The following MRS2 variants were observed in gnomAD, a reference collection of about 807,000 sequenced individuals.
MRS2 encodes magnesium transporter MRS2 homolog, mitochondrial.
Under a neutral mutation model 52.6 loss-of-function variants are expected in MRS2, and 40 were observed. The ratio of observed to expected loss-of-function variants is 0.76; its 90% confidence interval spans 0.59 to 0.99. The LOEUF is 0.99. Among genes scored for constraint, MRS2 ranks in the 50% least tolerant of loss-of-function variants. MRS2 has a pLI of 0.00. For synonymous variants in MRS2, 193 were observed against 195.9 expected, an observed-to-expected ratio of 0.98 and a Z score of 0.13; for missense variants, 472 against 532.7, an observed-to-expected ratio of 0.89 and a Z score of 1.12.
At chr6:24,407,391 G>A (rs543011837) in intron 2 of MRS2, among the ~76,000 whole-genome samples, 17 of 152,122 alleles carry the variant, frequency 1.1e-4, no homozygotes, top group African/African-American at 3.9e-4. Context: ...AGTTTTTATT[G>A]TGTGATTAAC....
chr6:24,421,478 A>C lies in MRS2; in HGVS notation c.1108-1459A>C, dbSNP rs1762038557. 3.3e-5 allele frequency among the ~76,000 whole-genome samples: 5 copies of C among 152,278 alleles called. No homozygotes were observed. In the South Asian group the frequency reaches 1.0e-3, roughly 32 times the overall value. On this transcript the variant is annotated intron_variant, in intron 9 of 10. Coordinates refer to ENST00000378386, the MANE Select transcript of MRS2 (RefSeq NM_020662.4). ...GATATAGTTAAAATTAATATTTGCC[A>C]TGGTGAATCTGAGATAGGAAAAATA...
At chr6:24,411,901 G>A (rs1436958716) in intron 4 of MRS2, among the ~76,000 whole-genome samples, 1 of 147,162 alleles carries the variant, frequency 6.8e-6, no homozygotes, top group African/African-American at 2.5e-5. Context: ...TACCCCAGAA[G>A]TCTTAGTAAA....
chr6:24,422,162 AGAG>A (rs1191011086), intron 9 of MRS2, among the ~76,000 whole-genome samples: 22 of 117,784 alleles, frequency 1.9e-4, no homozygotes, highest in African/African-American at 5.4e-4. Context: ...AACAACAAAA[AGAG>A]GAGGCAGATT....
At position 24,403,223 on chromosome 6, in the gene MRS2, G is replaced by A; in HGVS notation, c.177G>A (p.Arg59=). The change falls in exon 1 of 11, where the codon CGG becomes CGA. Residue 59 remains arginine (R), a synonymous_variant. Coordinates refer to ENST00000378386, the MANE Select transcript of MRS2 (RefSeq NM_020662.4). ...SRAAQLCGPD[R]LRVAGEVHRF... ...CGGCGCAGCTTTGCGGGCCCGACCGGCTCCGCGTGGCAGGTACTGCCCTTC... is the reference window on the plus strand; with the variant it reads ...CGGCGCAGCTTTGCGGGCCCGACCGACTCCGCGTGGCAGGTACTGCCCTTC... 1.3e-6 allele frequency: 2 copies of A among 1,596,568 alleles called. No individual in the cohort carries two copies. Among genetic ancestry groups the A allele is most frequent in the South Asian group, 1.1e-5 (1 of 90,294 alleles).
At chr6:24,409,416 A>T in intron 3 of MRS2, 45 bp from the exon 4 acceptor site, 1 of 1,222,374 alleles carries the variant, frequency 8.2e-7, no homozygotes, top group Non-Finnish European at 1.2e-6. Context: ...AATCTAAGCC[A>T]TTTAATGTAT....
chr6:24,418,443 A>G lies in MRS2; in HGVS notation c.990-18A>G. ...GTTAGTGGGCCCTTCTAATCTGAATAGGTGTTCTCCTCTCCAGCCACCGAA... is the reference window on the plus strand; with the variant it reads ...GTTAGTGGGCCCTTCTAATCTGAATGGGTGTTCTCCTCTCCAGCCACCGAA... On this transcript the variant is annotated intron_variant, in intron 8 of 10. Transcript: ENST00000378386. The G allele has an allele frequency of 6.2e-7, 1 of 1,613,742 alleles. No homozygotes were observed. The highest frequency in any genetic ancestry group is 1.1e-5 in the South Asian group (1 of 91,048).
Position 24,405,877 on chromosome 6 carries a change from G to A in MRS2, c.264+636G>A, listed in dbSNP as rs58118499. On this transcript the variant is annotated intron_variant, in intron 2 of 10. Transcript: ENST00000378386. Reference sequence around the variant, plus strand: ...TTCCAACACTTTGGGAGGCCGAGGTGGGCAGATCATGAGGTCAGGAGATTG... The same window carrying A: ...TTCCAACACTTTGGGAGGCCGAGGTAGGCAGATCATGAGGTCAGGAGATTG... Among the ~76,000 whole-genome samples, 1,257 of 151,448 alleles carry A rather than the reference G, an allele frequency of 8.3e-3. 16 individuals carry two copies. The highest frequency in any genetic ancestry group is 0.025 in the African/African-American group (1,028 of 41,270).
At chr6:24,406,034 G>A (rs1281134109) in intron 2 of MRS2, among the ~76,000 whole-genome samples, 2 of 150,984 alleles carry the variant, frequency 1.3e-5, no homozygotes, top group Non-Finnish European at 2.9e-5. Context: ...GAACCCAGGA[G>A]GCGGAGCTTG....
intron 4 of MRS2, among the ~76,000 whole-genome samples, chr6:24,411,859 T>G (rs913156326): frequency 2.7e-5 from 4 of 146,526 alleles, no homozygotes; most frequent in African/African-American, 7.8e-5. Flanking sequence ...TTTTTGGTGT[T>G]TTTTTTTTTG....
In MRS2 at chr6:24,422,851, T is replaced by C. The variant is rs1262462889; in HGVS notation, c.1108-86T>C. 64 of 895,332 alleles carry C rather than the reference T, an allele frequency of 7.1e-5. 1 individual carries two copies. The East Asian group carries it at 1.4e-3, about 19-fold the overall frequency. 55.5% of individuals were successfully genotyped at this position (895,332 alleles called of 1,614,324 possible). A position where few individuals can be genotyped will look rare whatever the true frequency, so the allele number is the denominator to read the frequency against. On this transcript the variant is annotated intron_variant, in intron 9 of 10. Coordinates refer to ENST00000378386, the MANE Select transcript of MRS2 (RefSeq NM_020662.4). ...AAGAGCTGTACAAATAACATAAGGC[T>C]TTCAAACTCTGGGGCAGTAACAATT...
chr6:24,411,603 A>G (rs771795908), intron 4 of MRS2, among the ~76,000 whole-genome samples: 19 of 152,324 alleles, frequency 1.2e-4, no homozygotes, highest in Non-Finnish European at 2.4e-4. Context: ...CAGTGGCACA[A>G]TCTCAGCTCA....
chr6:24,423,199 A>G (rs1762112444), intron 10 of MRS2, 149 bp downstream of exon 10: 3 of 618,042 alleles, frequency 4.9e-6, no homozygotes, highest in African/African-American at 3.7e-5. Context: ...TCTGTCAGTT[A>G]AGTCGGTATT....
Position 24,418,645 on chromosome 6 carries a change from T to A in MRS2, c.1107+67T>A. The A allele has an allele frequency of 2.4e-6, 3 of 1,248,990 alleles. 1 individual carries two copies. The highest frequency in any genetic ancestry group is 3.5e-6 in the Non-Finnish European group (3 of 854,638). 77.4% of individuals were successfully genotyped at this position (1,248,990 alleles called of 1,614,324 possible). On this transcript the variant is annotated intron_variant, in intron 9 of 10. Coordinates refer to ENST00000378386, the MANE Select transcript of MRS2 (RefSeq NM_020662.4). Reference sequence around the variant, plus strand: ...CGGGCATGGTGGCTCATGTCAGTAATCCTAGCACTTTAGGAGGCTGAGGCA... The same window carrying A: ...CGGGCATGGTGGCTCATGTCAGTAAACCTAGCACTTTAGGAGGCTGAGGCA...
At chr6:24,409,092 T>C (rs1458996202) in intron 3 of MRS2, among the ~76,000 whole-genome samples, 1 of 152,188 alleles carries the variant, frequency 6.6e-6, no homozygotes, top group Non-Finnish European at 1.5e-5. Flanking sequence ...TATAAAATAC[T>C]GAAGATGATG....
At chr6:24,410,206 C>T (rs1245982141) in intron 4 of MRS2, among the ~76,000 whole-genome samples, 4 of 152,062 alleles carry the variant, frequency 2.6e-5, no homozygotes, top group Non-Finnish European at 2.9e-5. Context: ...CTGAAACTCC[C>T]GACCTCAGGT....
At chr6:24,415,728 C>G (rs1042867403) in intron 6 of MRS2, among the ~76,000 whole-genome samples, 4 of 152,030 alleles carry the variant, frequency 2.6e-5, no homozygotes, top group Admixed American at 6.5e-5. Flanking sequence ...AATAAAATTC[C>G]CAAACCAAAA....
At chr6:24,416,546 C>A in intron 7 of MRS2, 33 bp downstream of exon 7, 1 of 1,096,456 alleles carries the variant, frequency 9.1e-7, no homozygotes, top group Non-Finnish European at 1.4e-6. Flanking sequence ...TTATTTATTT[C>A]CTTAGAGTAA....
At chr6:24,422,783 G>A (rs1336316785) in intron 9 of MRS2, among the ~76,000 whole-genome samples, 154 bp from the exon 10 acceptor site, 1 of 152,136 alleles carries the variant, frequency 6.6e-6, no homozygotes, top group Non-Finnish European at 1.5e-5. Flanking sequence ...TATTCTGTGG[G>A]TGCTATCAAG....
chr6:24,424,817 A>C lies in MRS2; in HGVS notation c.*1123A>C, dbSNP rs544048128. On this transcript the variant is annotated 3_prime_UTR_variant, in exon 11 of 11. Coordinates refer to ENST00000378386, the MANE Select transcript of MRS2 (RefSeq NM_020662.4). Reference sequence around the variant, plus strand: ...CTGATGATATTGAGGGTACATGATTAGCCTAATGTGATGTCATATGAGGAA... The same window carrying C: ...CTGATGATATTGAGGGTACATGATTCGCCTAATGTGATGTCATATGAGGAA... 1 of 152,374 alleles carries C rather than the reference A, an allele frequency of 6.6e-6. No individual in the cohort carries two copies. The highest frequency in any genetic ancestry group is 2.1e-4 in the South Asian group (1 of 4,828). 9.4% of individuals were successfully genotyped at this position (152,374 alleles called of 1,614,324 possible). A position where few individuals can be genotyped will look rare whatever the true frequency, so the allele number is the denominator to read the frequency against.
Sources: allele counts gnomAD v4.1 joint callset (sites outside exome capture counted in the v4.1 genomes callset), GRCh38; gene constraint gnomAD v4.1.1; transcripts MANE v1.5; gene names NCBI Gene and HGNC (gene_info 2026-07-23, HGNC 2026-07-21).